CCDC134: variants seen among roughly 807,000 people sequenced by gnomAD.
The protein encoded by CCDC134 is coiled-coil domain-containing protein 134.
Under a neutral mutation model 25.6 loss-of-function variants are expected in CCDC134, and 27 were observed. The observed-to-expected ratio is 1.05, with a 90% CI of 0.78 to 1.45. The LOEUF is 1.45. CCDC134 is among the 40% of genes most tolerant of loss of function. The pLI is 0.00. For missense variants in CCDC134, 261 were observed against 286.7 expected (o/e 0.91, Z 0.65); for synonymous variants, 110 against 115.0 (o/e 0.96, Z 0.28).
intron 1 of CCDC134, among the ~76,000 whole-genome samples, chr22:41,802,828 G>A (rs1232544241): frequency 6.7e-6 from 1 of 149,922 alleles, no homozygotes; most frequent in Non-Finnish European, 1.5e-5. Context: ...GCAGGAGAAT[G>A]GCGTGAACCC....
At chr22:41,808,507 G>T (rs1413154894) in intron 1 of CCDC134, among the ~76,000 whole-genome samples, 3 of 152,126 alleles carry the variant, frequency 2.0e-5, no homozygotes, top group Non-Finnish European at 2.9e-5. Flanking sequence ...CAGCAGGGAG[G>T]TGACCTCCTT....
intron 6 of CCDC134, among the ~76,000 whole-genome samples, chr22:41,814,870 G>A (rs2076615094): frequency 1.3e-5 from 2 of 152,180 alleles, no homozygotes; most frequent in Admixed American, 6.5e-5. Flanking sequence ...TAACTCCCAC[G>A]GAGGTGACAC....
chr22:41,808,727 G>A lies in CCDC134; in HGVS notation c.-16-148G>A, dbSNP rs1602236153. ...TGTGTGCCTGCTGGCCCTGGGATAAGAGCTGCAGCTTCAGGGCTCCCCAAA... is the reference window on the plus strand; with the variant it reads ...TGTGTGCCTGCTGGCCCTGGGATAAAAGCTGCAGCTTCAGGGCTCCCCAAA... On this transcript the variant is annotated intron_variant, in intron 1 of 6. Transcript: ENST00000255784. The A allele has an allele frequency of 2.7e-5, 18 of 659,380 alleles. No homozygotes were observed. The East Asian group carries it at 4.4e-4, about 16-fold the overall frequency. 40.8% of individuals were successfully genotyped at this position (659,380 alleles called of 1,614,324 possible).
At chr22:41,800,854 G>A (rs1434267465) in intron 1 of CCDC134, 88 bp downstream of exon 1, 2 of 152,360 alleles carry the variant, frequency 1.3e-5, no homozygotes, top group Admixed American at 1.3e-4. Context: ...AGGTGGTGGG[G>A]AGGGAGTTTC....
In CCDC134 at chr22:41,829,086, G is replaced by T. The variant is rs2076692958; in HGVS notation, c.*3263G>T. 6.6e-6 allele frequency among the ~76,000 whole-genome samples: 1 copy of T among 152,142 alleles called. No homozygotes were observed. On this transcript the variant is annotated 3_prime_UTR_variant, in exon 7 of 7. Transcript: ENST00000255784. ...CAGCATCCCGGCCTCTCCCTGCCAG[G>T]TGCCTGTAGCAGTCCCCCAGTTACG...
chr22:41,824,998 C>T (rs1430207138), intron 6 of CCDC134, among the ~76,000 whole-genome samples: 4 of 152,044 alleles, frequency 2.6e-5, no homozygotes, highest in South Asian at 2.1e-4. Context: ...ATGCCGGGTG[C>T]AGGTGGGGCT....
At chr22:41,824,696 G>T (rs1326385523) in intron 6 of CCDC134, among the ~76,000 whole-genome samples, 1 of 152,154 alleles carries the variant, frequency 6.6e-6, no homozygotes, top group Admixed American at 6.5e-5. Context: ...GGAGGTGGAG[G>T]TGGCAGTGAG....
In CCDC134 at chr22:41,815,204, C is replaced by CTT. The variant is rs869174312; in HGVS notation, c.564+1400_564+1401dup. Among the ~76,000 whole-genome samples the CTT allele has an allele frequency of 1.4e-3, 165 of 122,114 alleles. 1 individual carries two copies. Among genetic ancestry groups the CTT allele is most frequent in the African/African-American group, 4.0e-3 (118 of 29,326 alleles). The allele number at this position is 122,114 out of a possible 152,430, so 80.1% of individuals were successfully genotyped here. A position where few individuals can be genotyped will look rare whatever the true frequency, so the allele number is the denominator to read the frequency against. On this transcript the variant is annotated intron_variant, in intron 6 of 6. Coordinates refer to ENST00000255784, the MANE Select transcript of CCDC134 (RefSeq NM_024821.5). ...TTTAACTCAAATTTTCTTTTCTTTTCTTTTTTTTTTTTTTTTTTTGAGATG... is the reference window on the plus strand; with the variant it reads ...TTTAACTCAAATTTTCTTTTCTTTTCTTTTTTTTTTTTTTTTTTTTTGAGATG...
chr22:41,810,160 T>G, intron 3 of CCDC134, 47 bp from the exon 4 acceptor site: 2 of 1,602,722 alleles, frequency 1.2e-6, no homozygotes, highest in Non-Finnish European at 1.7e-6. Context: ...GGGAGCAGTC[T>G]GTGATGGGCA....
intron 6 of CCDC134, among the ~76,000 whole-genome samples, chr22:41,820,891 A>G (rs2076648663): frequency 6.6e-6 from 1 of 152,170 alleles, no homozygotes; most frequent in South Asian, 2.1e-4. Flanking sequence ...CCTATGTAGA[A>G]GGCACCAAAA....
chr22:41,801,042 G>C (rs907216751), intron 1 of CCDC134, among the ~76,000 whole-genome samples: 13 of 151,822 alleles, frequency 8.6e-5, no homozygotes, highest in African/African-American at 3.1e-4. Context: ...TCCGGGTGAC[G>C]CATACGGCAG....
chr22:41,829,375 G>C lies in CCDC134; in HGVS notation c.*3552G>C. Among the ~76,000 whole-genome samples the C allele has an allele frequency of 6.6e-6, 1 of 152,138 alleles. No homozygotes were observed. The highest frequency in any genetic ancestry group is 1.5e-5 in the Non-Finnish European group (1 of 68,022). On this transcript the variant is annotated 3_prime_UTR_variant, in exon 7 of 7. Coordinates refer to ENST00000255784, the MANE Select transcript of CCDC134 (RefSeq NM_024821.5). ...TTTGCATGAAGTTTTTTATGGAGCT[G>C]TTTCTATTTTCTTTTTGGGCAGCCA...
intron 4 of CCDC134, among the ~76,000 whole-genome samples, chr22:41,812,136 C>T (rs1318556200): frequency 6.6e-6 from 1 of 152,010 alleles, no homozygotes; most frequent in Non-Finnish European, 1.5e-5. Context: ...AAGATGACAA[C>T]ACTAGGCCAA....
chr22:41,813,446 G>C lies in CCDC134; in HGVS notation c.492+1G>C. 5 of 1,614,216 alleles carry C rather than the reference G, an allele frequency of 3.1e-6. No homozygotes were observed. The highest frequency in any genetic ancestry group is 4.2e-6 in the Non-Finnish European group (5 of 1,180,042). ...GCCCCACTCGCCCATCCTCAGCCTG[G>C]TAAGGACTGGGGTGGAGGTGGCCCG... On this transcript the variant is annotated splice_donor_variant, in intron 5 of 6. Coordinates refer to ENST00000255784, the MANE Select transcript of CCDC134 (RefSeq NM_024821.5). LOFTEE classifies it high-confidence loss of function.
rs141934365 is a variant in CCDC134, at chr22:41,812,164, G to T, written c.311-1100G>T. Among the ~76,000 whole-genome samples the T allele has an allele frequency of 7.9e-3, 1,204 of 152,258 alleles. 11 individuals carry two copies. Among genetic ancestry groups the T allele is most frequent in the Non-Finnish European group, 9.6e-3 (651 of 68,020 alleles). The stretch of plus-strand genomic sequence containing the variant: ...TAGGCCAAGCAGGTGGCTTACTCCT[G>T]TAATCCCAGCACTTTGGGAAGCCGA... On this transcript the variant is annotated intron_variant, in intron 4 of 6. Coordinates refer to ENST00000255784, the MANE Select transcript of CCDC134 (RefSeq NM_024821.5).
At chr22:41,806,725 C>G (rs141134244) in intron 1 of CCDC134, among the ~76,000 whole-genome samples, 11 of 152,166 alleles carry the variant, frequency 7.2e-5, no homozygotes, top group Admixed American at 2.0e-4. Flanking sequence ...TTATGAGTTT[C>G]CATCATATTA....
chr22:41,801,250 A>G (rs537276287), intron 1 of CCDC134, among the ~76,000 whole-genome samples: 1 of 152,036 alleles, frequency 6.6e-6, no homozygotes, highest in African/African-American at 2.4e-5. Context: ...TGGAATGTGG[A>G]GGGTCCTGGG....
intron 1 of CCDC134, among the ~76,000 whole-genome samples, chr22:41,804,418 A>G (rs985802051): frequency 6.6e-6 from 1 of 152,354 alleles, no homozygotes; most frequent in Admixed American, 6.5e-5. Flanking sequence ...GGAGGAATCT[A>G]GAATTCAGGA....
intron 4 of CCDC134, among the ~76,000 whole-genome samples, chr22:41,811,897 T>A (rs919440302): frequency 3.3e-5 from 5 of 152,160 alleles, no homozygotes; most frequent in Non-Finnish European, 2.9e-5. Context: ...AATACCTTGG[T>A]GTGCACGGGT....
Sources: allele counts gnomAD v4.1 joint callset (sites outside exome capture counted in the v4.1 genomes callset), GRCh38; gene constraint gnomAD v4.1.1; transcripts MANE v1.5; gene names NCBI Gene and HGNC (gene_info 2026-07-23, HGNC 2026-07-21).